NFRKB: variants seen among roughly 807,000 people sequenced by gnomAD.
NFRKB encodes nuclear factor related to kappa-B-binding protein.
NFRKB carries 62 observed loss-of-function variants against 135.7 expected under a neutral mutation model. The observed-to-expected ratio is 0.46, with a 90% CI of 0.37 to 0.56. NFRKB has a LOEUF of 0.56. Among genes scored for constraint, NFRKB ranks in the 20% least tolerant of loss-of-function variants. The pLI is 0.00. For synonymous variants in NFRKB, 678 were observed against 635.6 expected, an observed-to-expected ratio of 1.07 and a Z score of -1.00; for missense variants, 1,545 against 1,662.0, an observed-to-expected ratio of 0.93 and a Z score of 1.22.
intron 8 of NFRKB, among the ~76,000 whole-genome samples, chr11:129,883,715 A>G (rs979540854): frequency 4.6e-5 from 7 of 152,160 alleles, no homozygotes; most frequent in African/African-American, 1.2e-4. Context: ...GGAATAATGG[A>G]AACAGTAAAA....
rs1239362961 is a variant in NFRKB at position 129,869,765 on chromosome 11, G to A, written c.3260C>T (p.Thr1087Met). 7 of 1,614,244 alleles carry A rather than the reference G, an allele frequency of 4.3e-6. No homozygotes were observed. The highest frequency in any genetic ancestry group is 1.6e-4 in the Middle Eastern group (1 of 6,062). Residue 1087 changes from threonine to methionine, a missense_variant, in exon 24 of 27, where the codon ACG (threonine) becomes ATG (methionine). Thr to Met is a moderately conservative substitution (Grantham distance 81). Around this residue, in one of 3 missense-constraint regions of NFRKB, gnomAD observed 753 missense variants for 804.3 expected, o/e 0.94. Transcript: ENST00000682444. ...TCCCAGTCCCTGCACGATGCGGATCGTGGCAGCTGGTTTTGCTTCTGAAGA... is the reference window on the plus strand; with the variant it reads ...TCCCAGTCCCTGCACGATGCGGATCATGGCAGCTGGTTTTGCTTCTGAAGA... ...VASSEAKPAA[T>M]IRIVQGLGVM... is the part of the protein sequence containing the mutation.
At chr11:129,888,447 A>C in intron 4 of NFRKB, 147 bp downstream of exon 4, 1 of 806,146 alleles carries the variant, frequency 1.2e-6, no homozygotes, top group South Asian at 1.4e-5. Context: ...CAGCCTAGAC[A>C]GCAAAGTGTT....
intron 24 of NFRKB, among the ~76,000 whole-genome samples, chr11:129,868,754 G>C (rs1196924252): frequency 2.0e-5 from 3 of 152,150 alleles, no homozygotes; most frequent in African/African-American, 4.8e-5. Context: ...AGCGGCCGTG[G>C]GCGGTGACTC....
chr11:129,869,824 A>G lies in NFRKB; in HGVS notation c.3201T>C (p.Ser1067=), dbSNP rs145724203. ...TGCTTTTTCCCTTCTGGTCAGCCAC[A>G]CTCACGCCAAGAGCTGGCATCAAGC... ...AFRLMPALGV[S]VADQKGKSTV... is the part of the protein sequence containing the mutation. The change falls in exon 24 of 27, where the codon AGT becomes AGC. Residue 1067 remains serine, a synonymous_variant. Transcript: ENST00000682444. 1 of 1,614,056 alleles carries G rather than the reference A, an allele frequency of 6.2e-7. No individual in the cohort carries two copies. The highest frequency in any genetic ancestry group is 8.5e-7 in the Non-Finnish European group (1 of 1,180,042).
chr11:129,878,368 A>G lies in NFRKB; in HGVS notation c.1465-13T>C. ...CTTCATTTTCTTGCTGGAGAAAAAG[A>G]AAACGTTGACAGGTAAATGGACTAA... On this transcript the variant is annotated splice_polypyrimidine_tract_variant and intron_variant, in intron 14 of 26. Coordinates refer to ENST00000682444, the MANE Select transcript of NFRKB (RefSeq NM_001143835.2). 6.2e-7 allele frequency: 1 copy of G among 1,614,220 alleles called. No individual in the cohort carries two copies. The highest frequency in any genetic ancestry group is 8.5e-7 in the Non-Finnish European group (1 of 1,180,036).
At chr11:129,875,126 T>A (rs1467006825) in intron 18 of NFRKB, among the ~76,000 whole-genome samples, 1 of 152,220 alleles carries the variant, frequency 6.6e-6, no homozygotes, top group African/African-American at 2.4e-5. Context: ...ATTTTTACTA[T>A]AAGGATACTG....
At chr11:129,882,877 C>T (rs1210260383) in intron 9 of NFRKB, among the ~76,000 whole-genome samples, 3 of 152,038 alleles carry the variant, frequency 2.0e-5, no homozygotes, top group African/African-American at 4.8e-5. Context: ...TCAATCTCCC[C>T]GGTTCAAGCG....
Position 129,864,456 on chromosome 11 carries a change from G to A in NFRKB, c.*269C>T, listed in dbSNP as rs561164261. On this transcript the variant is annotated 3_prime_UTR_variant, in exon 27 of 27. Transcript: ENST00000682444. ...CTCTCAGAACTCTGGCTTGTTGGAC[G>A]TAACTGGTAATTCCTGCAATTTCAA... The A allele has an allele frequency of 9.4e-4, 370 of 395,324 alleles. 1 individual carries two copies. Among genetic ancestry groups the A allele is most frequent in the African/African-American group, 6.1e-3 (303 of 49,560 alleles). The allele number at this position is 395,324 out of a possible 1,614,324, so 24.5% of individuals were successfully genotyped here.
chr11:129,893,367 AC>A (rs1949642160), intron 2 of NFRKB: 2 of 329,584 alleles, frequency 6.1e-6, no homozygotes, highest in African/African-American at 5.5e-5. Flanking sequence ...AGCCTAGCGA[AC>A]ATGGCAAAAC....
rs370926101 is a variant in NFRKB at position 129,877,383 on chromosome 11, C to A, written c.1514G>T (p.Arg505Ile). 6 of 1,614,152 alleles carry A rather than the reference C, an allele frequency of 3.7e-6. No individual in the cohort carries two copies. The highest frequency in any genetic ancestry group is 8.5e-7 in the Non-Finnish European group (1 of 1,180,018). ...GCTGGGACGCACCACATAGTCAGTT[C>A]TTCTGGAATATAAAGAATTCTGTAT... is the stretch of plus-strand genomic sequence containing the variant. Reference protein sequence around the residue: ...SDATTPVPRVRTDYVVRPSTG... With the variant: ...SDATTPVPRVITDYVVRPSTG... The change falls in exon 16 of 27, where the codon AGA (arginine) becomes ATA (isoleucine). Residue 505 changes from arginine (R) to isoleucine (I), a missense_variant and splice_region_variant. Physicochemically the swap from Arg to Ile is moderately conservative, Grantham distance 97. Transcript: ENST00000682444.
chr11:129,866,127 G>T, intron 24 of NFRKB, 144 bp from the exon 25 acceptor site: 1 of 641,488 alleles, frequency 1.6e-6, no homozygotes, highest in Non-Finnish European at 2.6e-6. Flanking sequence ...AGGCTCCTGA[G>T]GTTTGGGCCC....
chr11:129,893,548 C>G (rs928210166), intron 2 of NFRKB, among the ~76,000 whole-genome samples: 28 of 149,498 alleles, frequency 1.9e-4, no homozygotes, highest in Non-Finnish European at 1.3e-4. Flanking sequence ...CAACAGAGAC[C>G]CTGTCTCAAA....
intron 23 of NFRKB, 105 bp from the exon 24 acceptor site, chr11:129,870,366 T>A: frequency 1.5e-6 from 2 of 1,315,248 alleles, no homozygotes; most frequent in Non-Finnish European, 2.1e-6. Flanking sequence ...TTGTATTTTT[T>A]TTTTAACTTT....
chr11:129,864,966 C>A lies in NFRKB; in HGVS notation c.3774G>T (p.Gln1258His), dbSNP rs1305983376. 1 of 1,613,178 alleles carries A rather than the reference C, an allele frequency of 6.2e-7. No homozygotes were observed. Among genetic ancestry groups the A allele is most frequent in the Non-Finnish European group, 8.5e-7 (1 of 1,179,674 alleles). Residue 1258 changes from glutamine (Q) to histidine (H), a missense_variant and splice_region_variant, in exon 26 of 27, where the codon CAG becomes CAT. Coordinates refer to ENST00000682444, the MANE Select transcript of NFRKB (RefSeq NM_001143835.2). ...GCCAAGAATTTGCCCTGGGCCTTAC[C>A]TGTGTGGCCTGACCTTGCTGCTGAA... Reference protein sequence around the residue: ...QQLQQQGQATQVRIQTVPASH... With the variant: ...QQLQQQGQATHVRIQTVPASH...
Position 129,873,012 on chromosome 11 carries a change from C to G in NFRKB, c.2635G>C (p.Val879Leu). ...CTGGCTGTGGCAGGGAGACTTGTCA[C>G]CGTGAGCCCTGTCTGCCCGGGTCCA... is the stretch of plus-strand genomic sequence containing the variant. ...RPGPGQTGLT[V>L]TSLPATASPV... Residue 879 changes from valine (V) to leucine (L), a missense_variant, in exon 23 of 27, where the codon GTG becomes CTG. Val to Leu is a conservative substitution (Grantham distance 32). Coordinates refer to ENST00000682444, the MANE Select transcript of NFRKB (RefSeq NM_001143835.2). 1 of 1,614,216 alleles carries G rather than the reference C, an allele frequency of 6.2e-7. No homozygotes were observed. Among genetic ancestry groups the G allele is most frequent in the Non-Finnish European group, 8.5e-7 (1 of 1,180,034 alleles).
At chr11:129,871,339 C>G (rs2135640922) in intron 23 of NFRKB, among the ~76,000 whole-genome samples, 1 of 152,254 alleles carries the variant, frequency 6.6e-6, no homozygotes, top group East Asian at 1.9e-4. Context: ...TCTCCACTTC[C>G]TCGCCTTCTC....
chr11:129,873,217 T>C, intron 22 of NFRKB, 121 bp from the exon 23 acceptor site: 3 of 771,520 alleles, frequency 3.9e-6, no homozygotes, highest in Non-Finnish European at 4.1e-6. Flanking sequence ...AATCCCACAG[T>C]ACTTAAGGCA....
chr11:129,867,017 T>C (rs556308998), intron 24 of NFRKB, among the ~76,000 whole-genome samples: 2 of 152,320 alleles, frequency 1.3e-5, no homozygotes, highest in South Asian at 4.1e-4. Flanking sequence ...TACATTTACT[T>C]ATGGTTTTGT....
At chr11:129,890,525 T>C (rs1949510373) in intron 3 of NFRKB, among the ~76,000 whole-genome samples, 1 of 152,206 alleles carries the variant, frequency 6.6e-6, no homozygotes. Context: ...TTATCCATAA[T>C]GTTTGGCATA....
Sources: gnomAD v4.1 joint callset for allele counts (sites outside exome capture counted in the v4.1 genomes callset) on GRCh38, gnomAD v4.1.1 for gene constraint, gnomAD v4.1.1 regional missense constraint, MANE v1.5 for transcripts, NCBI Gene and HGNC (gene_info 2026-07-23, HGNC 2026-07-21) for gene names.